Variants in RARB observed in about 807,000 individuals in gnomAD.
RARB encodes the protein retinoic acid receptor beta.
Under a neutral mutation model 51.9 loss-of-function variants are expected in RARB, and 17 were observed. The observed-to-expected ratio is 0.33, with a 90% confidence interval of 0.22 to 0.49. The LOEUF is 0.49. RARB is among the 20% of genes least tolerant of loss of function. RARB has a pLI of 0.99. For synonymous variants in RARB, 215 were observed against 195.4 expected (o/e 1.10, Z -0.84); for missense variants, 369 against 550.8 (o/e 0.67, Z 3.30).
chr3:25,550,587 A>G (rs1356532741), intron 3 of RARB, among the ~76,000 whole-genome samples: 1 of 152,056 alleles, frequency 6.6e-6, no homozygotes, highest in Non-Finnish European at 1.5e-5. Flanking sequence ...GAATACCATC[A>G]CATCGGGGAT....
At chr3:25,329,739 C>T (rs935596884) in intron 5 of RARB, among the ~76,000 whole-genome samples, 3 of 152,076 alleles carry the variant, frequency 2.0e-5, no homozygotes, top group African/African-American at 7.2e-5. Flanking sequence ...GATGTTGAAA[C>T]CCATCGCAAA....
intron 2 of RARB, among the ~76,000 whole-genome samples, chr3:24,985,635 T>A (rs538451067): frequency 6.6e-6 from 1 of 152,190 alleles, no homozygotes; most frequent in South Asian, 2.1e-4. Flanking sequence ...AATAGATGTT[T>A]GCCATTTGGA....
At position 25,371,613 on chromosome 3, in the gene RARB, A is replaced by G. The variant is rs566225163; in HGVS notation, c.179-89580A>G. 5.3e-5 allele frequency among the ~76,000 whole-genome samples: 8 copies of G among 152,352 alleles called. No individual in the cohort carries two copies. The East Asian group carries it at 1.3e-3, about 26-fold the overall frequency. ...GAGGGCACTTTTCCAGTGGAAGTGG[A>G]TCAATAAGTGTTTTAAATAAACGCT... is the stretch of plus-strand genomic sequence containing the variant. On this transcript the variant is annotated intron_variant, in intron 5 of 11. Coordinates refer to the RARB transcript ENST00000383772.
At chr3:25,581,045 T>G (rs1045679871) in intron 5 of RARB, among the ~76,000 whole-genome samples, 1 of 152,080 alleles carries the variant, frequency 6.6e-6, no homozygotes, top group Non-Finnish European at 1.5e-5. Flanking sequence ...TCACATATGC[T>G]CTCAGGACCC....
At chr3:24,944,149 G>A (rs1695726144) in intron 2 of RARB, among the ~76,000 whole-genome samples, 1 of 152,176 alleles carries the variant, frequency 6.6e-6, no homozygotes, top group Non-Finnish European at 1.5e-5. Flanking sequence ...ACAGGACAAT[G>A]ATTGCCTGTT....
intron 5 of RARB, among the ~76,000 whole-genome samples, chr3:25,328,232 C>A (rs1704782795): frequency 6.6e-6 from 1 of 152,164 alleles, no homozygotes; most frequent in South Asian, 2.1e-4. Context: ...TAAGTAGTTG[C>A]CTCTAGGCCG....
intron 2 of RARB, among the ~76,000 whole-genome samples, chr3:24,940,137 G>C (rs960864620): frequency 4.6e-5 from 7 of 152,176 alleles, no homozygotes; most frequent in African/African-American, 1.7e-4. Context: ...CAGTAATCTA[G>C]ACACGTCTCC....
chr3:25,295,338 A>C (rs529885608), intron 5 of RARB, among the ~76,000 whole-genome samples: 1 of 152,236 alleles, frequency 6.6e-6, no homozygotes, highest in South Asian at 2.1e-4. Flanking sequence ...GCCCCTATAA[A>C]AGAGGTTTGA....
chr3:25,409,317 A>G (rs1018575408), intron 5 of RARB, among the ~76,000 whole-genome samples: 1 of 152,226 alleles, frequency 6.6e-6, no homozygotes, highest in Non-Finnish European at 1.5e-5. Flanking sequence ...AGCATCTGTT[A>G]GCAAAGGCTC....
intron 3 of RARB, among the ~76,000 whole-genome samples, chr3:25,079,401 T>C (rs1698945931): frequency 6.6e-6 from 1 of 152,180 alleles, no homozygotes; most frequent in African/African-American, 2.4e-5. Context: ...CTCTAATACG[T>C]TGTTGAATAG....
At chr3:24,868,053 A>G (rs780995397) in intron 2 of RARB, among the ~76,000 whole-genome samples, 4 of 152,164 alleles carry the variant, frequency 2.6e-5, no homozygotes, top group African/African-American at 4.8e-5. Flanking sequence ...TTGCAGAAAA[A>G]ACGGGGCTTG....
intron 4 of RARB, among the ~76,000 whole-genome samples, chr3:25,172,198 A>G (rs1392309173): frequency 6.6e-6 from 1 of 152,186 alleles, no homozygotes; most frequent in Non-Finnish European, 1.5e-5. Context: ...GATGTCATCT[A>G]AGTGAGGACA....
At chr3:25,458,881 C>G (rs1003247463) in intron 1 of RARB, among the ~76,000 whole-genome samples, 3 of 152,058 alleles carry the variant, frequency 2.0e-5, no homozygotes, top group Non-Finnish European at 2.9e-5. Context: ...TATCATTTAA[C>G]AACTTAGAGG....
chr3:25,088,282 T>A (rs781216405), intron 3 of RARB, among the ~76,000 whole-genome samples: 2 of 152,158 alleles, frequency 1.3e-5, no homozygotes, highest in African/African-American at 2.4e-5. Context: ...TAATTCTTCA[T>A]AAATCAACTA....
At chr3:25,482,618 C>A (rs981844448) in intron 2 of RARB, among the ~76,000 whole-genome samples, 1 of 132,718 alleles carries the variant, frequency 7.5e-6, no homozygotes, top group Non-Finnish European at 1.5e-5. Context: ...CGGCTCACTG[C>A]AACCTCTGCC....
intron 2 of RARB, among the ~76,000 whole-genome samples, chr3:24,936,988 C>T (rs1695560456): frequency 6.6e-6 from 1 of 152,114 alleles, no homozygotes; most frequent in African/African-American, 2.4e-5. Flanking sequence ...TCTTCAGTGC[C>T]AGTCATATAT....
chr3:25,009,209 G>A (rs1413798335), intron 2 of RARB, among the ~76,000 whole-genome samples: 1 of 152,094 alleles, frequency 6.6e-6, no homozygotes, highest in Non-Finnish European at 1.5e-5. Flanking sequence ...CAAATTCTAT[G>A]ACTCTTAAGA....
intron 2 of RARB, among the ~76,000 whole-genome samples, chr3:24,962,362 C>G (rs987215307): frequency 2.0e-5 from 3 of 152,112 alleles, no homozygotes; most frequent in Non-Finnish European, 4.4e-5. Context: ...TAGTAACATT[C>G]CTGTCCTCTA....
intron 2 of RARB, among the ~76,000 whole-genome samples, chr3:25,469,067 G>A (rs1178567877): frequency 1.3e-5 from 2 of 152,192 alleles, no homozygotes; most frequent in East Asian, 3.9e-4. Context: ...AGCCCCCTCA[G>A]TCCCTCAGGG....
Sources: allele counts gnomAD v4.1 joint callset (sites outside exome capture counted in the v4.1 genomes callset), GRCh38; gene constraint gnomAD v4.1.1; transcripts MANE v1.5; gene names NCBI Gene and HGNC (gene_info 2026-07-23, HGNC 2026-07-21).